AKR7A3: variants seen among roughly 807,000 people sequenced by gnomAD.
AKR7A3 encodes the protein AFB1 aldehyde reductase 2.
In AKR7A3, 37 loss-of-function variants were observed where a neutral mutation model predicts 32.5. The ratio of observed to expected loss-of-function variants is 1.14; its 90% confidence interval spans 0.88 to 1.50. AKR7A3 has a LOEUF of 1.50. Ranked by LOEUF, AKR7A3 falls within the 40% of genes most tolerant of loss-of-function variation. The pLI is 0.00. For missense variants in AKR7A3, 412 were observed against 453.2 expected, an observed-to-expected ratio of 0.91 and a Z score of 0.83; for synonymous variants, 177 against 188.4, an observed-to-expected ratio of 0.94 and a Z score of 0.50.
rs540658174 is a variant in AKR7A3 at position 19,282,755 on chromosome 1, G to C, written c.972C>G (p.His324Gln). 7.4e-6 allele frequency: 12 copies of C among 1,613,730 alleles called. No homozygotes were observed. The highest frequency in any genetic ancestry group is 1.3e-5 in the African/African-American group (1 of 74,576). The part of the protein sequence containing the change: ...AFNQAWHLVT[H>Q]ECPNYFR Reference sequence around the variant, plus strand: ...CCTAGCGGAAGTAGTTGGGACATTCGTGAGTAACCAAATGCCAGGCTTGAT... The same window carrying C: ...CCTAGCGGAAGTAGTTGGGACATTCCTGAGTAACCAAATGCCAGGCTTGAT... Residue 324 changes from histidine to glutamine, a missense_variant, in exon 7 of 7, where the codon CAC (histidine) becomes CAG (glutamine). By Grantham distance (24) the His-to-Gln change is conservative. Transcript: ENST00000361640.
Position 19,284,004 on chromosome 1 carries a change from G to A in AKR7A3, c.826C>T (p.Gln276Ter), listed in dbSNP as rs2093723473. The A allele has an allele frequency of 3.7e-6, 6 of 1,613,302 alleles. No homozygotes were observed. The East Asian group carries it at 1.1e-4, about 30-fold the overall frequency. Reference protein sequence around the residue: ...ATLRWMYHHSQLQGAHGDAVI... With the variant: ...ATLRWMYHHS ...ACAGGGTCACTGGTTACCTGCAGCT[G>A]TGAGTGGTGGTACATCCACCGGAGG... Residue 276 changes from glutamine to a stop codon, truncating the protein, a stop_gained, in exon 6 of 7, where the codon CAG (glutamine) becomes TAG (stop). Transcript: ENST00000361640. LOFTEE classifies it high-confidence loss of function.
Position 19,282,743 on chromosome 1 carries a change from G to C in AKR7A3, c.984C>G (p.Asn328Lys). 1.9e-6 allele frequency: 3 copies of C among 1,613,908 alleles called. No individual in the cohort carries two copies. In the South Asian group the frequency reaches 3.3e-5, roughly 18 times the overall value. The change falls in exon 7 of 7, where the codon AAC becomes AAG. Residue 328 changes from asparagine (N) to lysine (K), a missense_variant. Coordinates refer to ENST00000361640, the MANE Select transcript of AKR7A3 (RefSeq NM_012067.3). ...AGAAACGATGGGCCTAGCGGAAGTA[G>C]TTGGGACATTCGTGAGTAACCAAAT... ...AWHLVTHECP[N>K]YFR
At position 19,285,921 on chromosome 1, in the gene AKR7A3, C is replaced by T; in HGVS notation, c.474G>A (p.Lys158=). Residue 158 remains lysine, a synonymous_variant, in exon 3 of 7, where the codon AAG becomes AAA. Coordinates refer to ENST00000361640, the MANE Select transcript of AKR7A3 (RefSeq NM_012067.3). ...WEVAEICTLC[K]SNGWILPTVY... is the part of the protein sequence containing the mutation. ...CAGTGGGCAGGATCCAGCCGTTGCTCTTGCAGAGGGTACAGATCTCGGCCA... is the reference window on the plus strand; with the variant it reads ...CAGTGGGCAGGATCCAGCCGTTGCTTTTGCAGAGGGTACAGATCTCGGCCA... 1.9e-6 allele frequency: 3 copies of T among 1,613,668 alleles called. No individual in the cohort carries two copies. Among genetic ancestry groups the T allele is most frequent in the Non-Finnish European group, 2.5e-6 (3 of 1,179,878 alleles).
the AKR7A3 span, among the ~76,000 whole-genome samples, chr1:19,277,291 AAAT>A: frequency 6.6e-6 from 1 of 151,898 alleles, no homozygotes; most frequent in Admixed American, 6.5e-5. Flanking sequence ...GAAAAATAGA[AAAT>A]AATAACGGAG....
chr1:19,284,862 G>A (rs2093726394), intron 4 of AKR7A3, 77 bp from the exon 5 acceptor site: 3 of 1,574,626 alleles, frequency 1.9e-6, no homozygotes, highest in Non-Finnish European at 2.6e-6. Flanking sequence ...TCTGGTCTAG[G>A]GGAGGGGCAG....
At chr1:19,278,261 T>A (rs1300946799), downstream of AKR7A3, among the ~76,000 whole-genome samples, 1 of 151,680 alleles carries the variant, frequency 6.6e-6, no homozygotes, top group Admixed American at 6.6e-5. Flanking sequence ...TTTTGTTTTT[T>A]AAAAACAACT....
the AKR7A3 span, among the ~76,000 whole-genome samples, chr1:19,276,340 G>C: frequency 8.5e-6 from 1 of 116,966 alleles, no homozygotes; most frequent in Non-Finnish European, 1.6e-5. Flanking sequence ...CAGACTAGGT[G>C]ACAGAGCAAG....
In AKR7A3 at chr1:19,282,579, T is replaced by C. The variant is rs1443954766; in HGVS notation, c.*152A>G. 5 of 1,318,080 alleles carry C rather than the reference T, an allele frequency of 3.8e-6. No homozygotes were observed. In the East Asian group the frequency reaches 1.0e-4, roughly 26 times the overall value. The allele number at this position is 1,318,080 out of a possible 1,614,324, so 81.6% of individuals were successfully genotyped here. A position where few individuals can be genotyped will look rare whatever the true frequency, so the allele number is the denominator to read the frequency against. ...AGACTAACACACAGCACCCTGGGAG[T>C]TTTATTCTTCATTTGGTGGTGACTC... On this transcript the variant is annotated 3_prime_UTR_variant, in exon 7 of 7. Transcript: ENST00000361640.
At chr1:19,287,434 T>A (rs2093732770) in intron 1 of AKR7A3, among the ~76,000 whole-genome samples, 3 of 151,598 alleles carry the variant, frequency 2.0e-5, no homozygotes, top group African/African-American at 7.3e-5. Context: ...ATGTGGTGAA[T>A]CAGAGGAGAA....
At chr1:19,284,239 T>G in intron 5 of AKR7A3, 114 bp from the exon 6 acceptor site, 4 of 1,414,308 alleles carry the variant, frequency 2.8e-6, no homozygotes, top group Non-Finnish European at 3.8e-6. Flanking sequence ...GGGCAGGTGT[T>G]CTCTCTAGCC....
rs993745008 is a variant in AKR7A3, at chr1:19,288,690, C to T, written c.20G>A (p.Arg7Gln). MSRQLS[R>Q]ARPATVLGAM... ...GCCCAGCACCGTGGCTGGCCGGGCC[C>T]GCGACAGCTGCCGGGACATGACGGC... Residue 7 changes from arginine (R) to glutamine (Q), a missense_variant, in exon 1 of 7, where the codon CGG (arginine) becomes CAG (glutamine). Arg to Gln is a conservative substitution (Grantham distance 43, BLOSUM62 1). Coordinates refer to ENST00000361640, the MANE Select transcript of AKR7A3 (RefSeq NM_012067.3). 3.3e-6 allele frequency: 5 copies of T among 1,510,774 alleles called. No homozygotes were observed. The highest frequency in any genetic ancestry group is 4.4e-6 in the Non-Finnish European group (5 of 1,131,120). 93.6% of individuals were successfully genotyped at this position (1,510,774 alleles called of 1,614,324 possible).
intron 5 of AKR7A3, 140 bp from the exon 6 acceptor site, chr1:19,284,265 T>A: frequency 7.9e-7 from 1 of 1,266,790 alleles, no homozygotes; most frequent in South Asian, 1.6e-5. Context: ...TCTCCCACTT[T>A]GCTGGGCAAG....
downstream of AKR7A3, among the ~76,000 whole-genome samples, chr1:19,278,390 C>A (rs531996451): frequency 6.6e-6 from 1 of 151,778 alleles, no homozygotes. Flanking sequence ...AACCGCATCT[C>A]TACTAAAAAA....
chr1:19,286,029 C>A (rs754076587), intron 2 of AKR7A3, 37 bp from the exon 3 acceptor site: 25 of 1,611,940 alleles, frequency 1.6e-5, no homozygotes, highest in Middle Eastern at 1.6e-4. Flanking sequence ...CATAGTGCAG[C>A]CCAGACCAGG....
chr1:19,288,470 G>T, intron 1 of AKR7A3, 26 bp downstream of exon 1: 1 of 1,608,092 alleles, frequency 6.2e-7, no homozygotes, highest in Admixed American at 1.7e-5. Context: ...GCACCGTGCA[G>T]GGGGAGGATC....
chr1:19,287,875 G>A (rs1451413841), intron 1 of AKR7A3, among the ~76,000 whole-genome samples: 1 of 152,120 alleles, frequency 6.6e-6, no homozygotes. Context: ...CCACAGAGAG[G>A]GCAGTGAGAC....
At chr1:19,285,150 G>A in intron 3 of AKR7A3, 36 bp from the exon 4 acceptor site, 1 of 1,599,376 alleles carries the variant, frequency 6.3e-7, no homozygotes, top group Non-Finnish European at 8.6e-7. Flanking sequence ...GAGGGTGGAT[G>A]TGTCAAAAGA....
At chr1:19,285,201 C>A (rs1310825761) in intron 3 of AKR7A3, 87 bp from the exon 4 acceptor site, 12 of 1,276,736 alleles carry the variant, frequency 9.4e-6, no homozygotes, top group Non-Finnish European at 1.3e-5. Context: ...TTATTTCAGA[C>A]CTTAACAATT....
downstream of AKR7A3, among the ~76,000 whole-genome samples, chr1:19,280,657 A>T (rs1569642148): frequency 6.6e-6 from 1 of 150,432 alleles, no homozygotes; most frequent in African/African-American, 2.5e-5. Context: ...TGCAAGCTCC[A>T]CCTCCTGGGT....
Sources: gnomAD v4.1 joint callset for allele counts (sites outside exome capture counted in the v4.1 genomes callset) on GRCh38, gnomAD v4.1.1 for gene constraint, MANE v1.5 for transcripts, NCBI Gene and HGNC (gene_info 2026-07-23, HGNC 2026-07-21) for gene names.